KANK1: variants seen among roughly 807,000 people sequenced by gnomAD.
KANK1 encodes KN motif and ankyrin repeat domains 1, also known as KN motif and ankyrin repeat domain-containing protein 1.
Under a neutral mutation model 106.2 loss-of-function variants are expected in KANK1, and 109 were observed. That is an observed-to-expected ratio of 1.03 (90% CI 0.88 to 1.20). The LOEUF is 1.20. KANK1 is among the 50% of genes most tolerant of loss of function. The pLI is 0.00. For synonymous variants in KANK1, 873 were observed against 652.2 expected (o/e 1.34, Z -5.16); for missense variants, 2,399 against 1,710.7 (o/e 1.40, Z -7.10).
At chr9:599,170 C>T (rs143130990) in intron 1 of KANK1, among the ~76,000 whole-genome samples, 1,737 of 150,990 alleles carry the variant, frequency 0.012, 18 homozygotes, top group Non-Finnish European at 0.018. Flanking sequence ...AGGCACACAC[C>T]ACCATGCTTG....
rs1445502651 is a variant in KANK1 at position 698,756 on chromosome 9, G to A, written c.38-12048G>A. ...GGTAAAATTCATATGGTGCAAAGGA[G>A]TTTGTTATACCTAGACAAAAATTCA... is the stretch of plus-strand genomic sequence containing the variant. On this transcript the variant is annotated intron_variant, in intron 2 of 11. Coordinates refer to ENST00000382297, the MANE Select transcript of KANK1 (RefSeq NM_015158.5). Among the ~76,000 whole-genome samples, 5 of 152,178 alleles carry A rather than the reference G, an allele frequency of 3.3e-5. No individual in the cohort carries two copies. In the South Asian group the frequency reaches 6.2e-4, roughly 19 times the overall value.
At chr9:640,117 A>C (rs73386812) in intron 1 of KANK1, among the ~76,000 whole-genome samples, 4,556 of 152,242 alleles carry the variant, frequency 0.03, 230 homozygotes, top group African/African-American at 0.1. Flanking sequence ...TTAAGAAACC[A>C]AGAGTTTGTA....
At chr9:653,514 C>G (rs138266461) in intron 1 of KANK1, among the ~76,000 whole-genome samples, 2,308 of 152,174 alleles carry the variant, frequency 0.015, 39 homozygotes, top group South Asian at 0.07. Flanking sequence ...TATTGACTTT[C>G]CTTGGGTCTG....
rs774875724 is a variant in KANK1 at position 534,418 on chromosome 9, G to GAA, written c.-84+29665_-84+29666insAA. ...TCACTATCAACAGAAAGTAATGTAAGATGTGATATCTTTTCAGCAGGACCT... is the reference window on the plus strand; with the variant it reads ...TCACTATCAACAGAAAGTAATGTAAGAAATGTGATATCTTTTCAGCAGGACCT... On this transcript the variant is annotated intron_variant, in intron 1 of 11. Coordinates refer to ENST00000382297, the MANE Select transcript of KANK1 (RefSeq NM_015158.5). Among the ~76,000 whole-genome samples the GAA allele has an allele frequency of 8.5e-4, 129 of 152,324 alleles. 1 individual carries two copies. Among genetic ancestry groups the GAA allele is most frequent in the Non-Finnish European group, 1.5e-3 (101 of 68,034 alleles).
intron 2 of KANK1, among the ~76,000 whole-genome samples, chr9:683,749 A>G (rs1431882578): frequency 6.6e-6 from 1 of 152,230 alleles, no homozygotes; most frequent in Non-Finnish European, 1.5e-5. Flanking sequence ...TCAAATTAAT[A>G]AACATATTGT....
rs147088311 is a variant in KANK1, at chr9:711,423, T to G, written c.657T>G (p.Asn219Lys). ...AGCTTCAGAATGGATACCAAGGTAA[T>G]GGGGATTATGGTAGCTATGCCCCAG... ...KHQLQNGYQG[N>K]GDYGSYAPAA... The change falls in exon 3 of 12, where the codon AAT becomes AAG. Residue 219 changes from asparagine (N) to lysine (K), a missense_variant. Transcript: ENST00000382297. 4 of 1,614,112 alleles carry G rather than the reference T, an allele frequency of 2.5e-6. No homozygotes were observed. The highest frequency in any genetic ancestry group is 3.4e-6 in the Non-Finnish European group (4 of 1,180,016).
chr9:507,409 G>A (rs919834098), intron 1 of KANK1, among the ~76,000 whole-genome samples: 18 of 152,008 alleles, frequency 1.2e-4, no homozygotes, highest in Non-Finnish European at 2.4e-4. Flanking sequence ...CAGCCCTGCC[G>A]ACGGAGTTTT....
At chr9:593,461 C>G (rs1201120968) in intron 1 of KANK1, among the ~76,000 whole-genome samples, 2 of 143,670 alleles carry the variant, frequency 1.4e-5, no homozygotes, top group Admixed American at 6.9e-5. Flanking sequence ...TCCCCCCCCC[C>G]ATATACTTGC....
rs866617521 is a variant in KANK1, at chr9:654,833, G to C, written c.-83-22057G>C. 3.8e-3 allele frequency among the ~76,000 whole-genome samples: 505 copies of C among 133,760 alleles called. 3 individuals are homozygous for C. The highest frequency in any genetic ancestry group is 0.013 in the African/African-American group (490 of 39,098). The allele number at this position is 133,760 out of a possible 152,430, so 87.8% of individuals were successfully genotyped here. ...TGTGTGTGAGAGAGAGAGAGAGAGAGAGAGAGAGAGAGAGATAAAGGGAGG... is the reference window on the plus strand; with the variant it reads ...TGTGTGTGAGAGAGAGAGAGAGAGACAGAGAGAGAGAGAGATAAAGGGAGG... On this transcript the variant is annotated intron_variant, in intron 1 of 11. Coordinates refer to ENST00000382297, the MANE Select transcript of KANK1 (RefSeq NM_015158.5).
intron 1 of KANK1, among the ~76,000 whole-genome samples, chr9:642,399 G>A (rs554894536): frequency 6.6e-6 from 1 of 150,928 alleles, no homozygotes; most frequent in Admixed American, 6.6e-5. Context: ...TTTTACAGCA[G>A]CTTCTCTAAA....
At chr9:495,857 T>C (rs753695412) in intron 3 of KANK1, among the ~76,000 whole-genome samples, 1 of 152,174 alleles carries the variant, frequency 6.6e-6, no homozygotes, top group Non-Finnish European at 1.5e-5. Flanking sequence ...GGTTAGAGAA[T>C]GGTGCTATAA....
intron 1 of KANK1, among the ~76,000 whole-genome samples, chr9:571,014 T>C (rs976097871): frequency 1.3e-5 from 2 of 152,182 alleles, no homozygotes; most frequent in Non-Finnish European, 2.9e-5. Flanking sequence ...TATATATTTT[T>C]AAAAAACTAC....
At chr9:693,951 A>G (rs1175733169) in intron 2 of KANK1, among the ~76,000 whole-genome samples, 6 of 152,208 alleles carry the variant, frequency 3.9e-5, no homozygotes, top group African/African-American at 1.4e-4. Flanking sequence ...TGAAAATTTC[A>G]GCTTTACCTA....
At chr9:616,041 C>G (rs1202925931) in intron 1 of KANK1, among the ~76,000 whole-genome samples, 1 of 152,200 alleles carries the variant, frequency 6.6e-6, no homozygotes, top group Non-Finnish European at 1.5e-5. Flanking sequence ...AGGGACTCTT[C>G]TGTATCCGTC....
chr9:490,600 C>CA (rs1399833520), intron 3 of KANK1, among the ~76,000 whole-genome samples: 1 of 152,114 alleles, frequency 6.6e-6, no homozygotes, highest in African/African-American at 2.4e-5. Flanking sequence ...TCTATTTGGA[C>CA]AAAATCTTTA....
intron 1 of KANK1, among the ~76,000 whole-genome samples, chr9:524,175 A>G (rs77126382): frequency 0.044 from 6,643 of 151,896 alleles, 207 homozygotes; most frequent in Non-Finnish European, 0.053. Flanking sequence ...CCAGGATGCC[A>G]GGAACTAAGT....
chr9:650,137 C>G (rs1355748567), intron 1 of KANK1, among the ~76,000 whole-genome samples: 2 of 152,170 alleles, frequency 1.3e-5, no homozygotes, highest in Admixed American at 6.5e-5. Flanking sequence ...AATATGCAAT[C>G]CCAATATTTT....
chr9:655,620 C>T (rs576913137), intron 1 of KANK1, among the ~76,000 whole-genome samples: 64 of 152,212 alleles, frequency 4.2e-4, no homozygotes, highest in African/African-American at 1.5e-3. Flanking sequence ...GCTAAGATTG[C>T]CCAGGGGTCT....
intron 1 of KANK1, among the ~76,000 whole-genome samples, chr9:675,911 C>T (rs897840326): frequency 1.8e-4 from 28 of 152,180 alleles, no homozygotes; most frequent in African/African-American, 6.8e-4. Context: ...TGGGTAGTTC[C>T]TGGAAGTGAG....
Sources: gnomAD v4.1 joint callset for allele counts (sites outside exome capture counted in the v4.1 genomes callset) on GRCh38, gnomAD v4.1.1 for gene constraint, MANE v1.5 for transcripts, NCBI Gene and HGNC (gene_info 2026-07-23, HGNC 2026-07-21) for gene names.